Variants in SURF2 observed in about 807,000 individuals in gnomAD.
SURF2 encodes the protein surfeit locus protein 2.
SURF2 carries 32 observed loss-of-function variants against 26.2 expected under a neutral mutation model. The observed-to-expected ratio is 1.22, with a 90% CI of 0.92 to 1.64. The LOEUF (loss-of-function observed/expected upper bound fraction) is 1.64. Ranked by LOEUF, SURF2 falls within the 40% of genes most tolerant of loss-of-function variation. The pLI is 0.00. For synonymous variants in SURF2, 173 were observed against 139.1 expected, an observed-to-expected ratio of 1.24 and a Z score of -1.71; for missense variants, 415 against 341.6, an observed-to-expected ratio of 1.21 and a Z score of -1.69.
intron 3 of SURF2, 95 bp downstream of exon 3, chr9:133,357,909 G>A: frequency 1.6e-6 from 2 of 1,245,324 alleles, no homozygotes; most frequent in Non-Finnish European, 2.3e-6. Context: ...TCGTCCTTCA[G>A]CGATCCGTGT....
intron 1 of SURF2, 33 bp from the exon 2 acceptor site, chr9:133,356,881 C>CTCCTGACGTCCTGCCCGCCCACGCG: frequency 6.6e-7 from 1 of 1,525,474 alleles, no homozygotes; most frequent in South Asian, 1.2e-5. Flanking sequence ...AGCCCTGGCC[C>CTCCTGACGTCCTGCCCGCCCACGCG]TCCTGACGTC....
intron 2 of SURF2, 61 bp downstream of exon 2, chr9:133,357,129 C>G: frequency 6.9e-7 from 1 of 1,444,584 alleles, no homozygotes; most frequent in Non-Finnish European, 9.2e-7. Context: ...CTCCGCTGGA[C>G]TCCGCCAGTG....
At chr9:133,359,392 C>T (rs2130042015) in intron 3 of SURF2, among the ~76,000 whole-genome samples, 31 of 152,176 alleles carry the variant, frequency 2.0e-4, no homozygotes, top group African/African-American at 7.0e-4. Context: ...GGGCAAGCCC[C>T]AGCAGACCCT....
chr9:133,360,685 C>G (rs1836748056), intron 5 of SURF2, among the ~76,000 whole-genome samples: 1 of 152,370 alleles, frequency 6.6e-6, no homozygotes, highest in South Asian at 2.1e-4. Flanking sequence ...AGGACACCCT[C>G]CTACCTCAGA....
chr9:133,360,096 G>A lies in SURF2; in HGVS notation c.484G>A (p.Ala162Thr), dbSNP rs2130047708. The A allele has an allele frequency of 6.2e-7, 1 of 1,613,166 alleles. No homozygotes were observed. Residue 162 changes from alanine (A) to threonine (T), a missense_variant, in exon 4 of 6, where the codon GCA (alanine) becomes ACA (threonine). Transcript: ENST00000371964. ...CACATCCAGTGATGAGGGGGGAGCT[G>A]CAAGTGATGACAGCATGACAGACCT... ...EPTSSDEGGA[A>T]SDDSMTDLYP...
At position 133,356,938 on chromosome 9, in the gene SURF2, G is replaced by A. The variant is rs2130031354; in HGVS notation, c.103G>A (p.Glu35Lys). 3 of 1,564,960 alleles carry A rather than the reference G, an allele frequency of 1.9e-6. No homozygotes were observed. The highest frequency in any genetic ancestry group is 2.3e-5 in the South Asian group (2 of 85,230). The change falls in exon 2 of 6, where the codon GAG becomes AAG. Residue 35 changes from glutamate to lysine, a missense_variant. Glu to Lys is a moderately conservative substitution (Grantham distance 56). Transcript: ENST00000371964. ...RKVRCILTGH[E>K]LPCRLPELQV... is the part of the protein sequence containing the mutation. ...GGTGAGGTGCATCCTGACAGGTCAC[G>A]AGCTGCCCTGCCGCCTGCCGGAGCT...
chr9:133,359,986 C>G lies in SURF2; in HGVS notation c.374C>G (p.Pro125Arg), dbSNP rs2130045814. ...CAGAAGCAAGGGGTGGAGTACGTGC[C>G]TGCCTGCCTGGTGCACCGGAGGAGG... ...ECQKQGVEYV[P>R]ACLVHRRRRR... is the part of the protein sequence containing the mutation. The change falls in exon 4 of 6, where the codon CCT (proline) becomes CGT (arginine). Residue 125 changes from proline (P) to arginine (R), a missense_variant. By Grantham distance (103) the Pro-to-Arg change is moderately radical. Coordinates refer to ENST00000371964, the MANE Select transcript of SURF2 (RefSeq NM_017503.5). The G allele has an allele frequency of 4.5e-5, 73 of 1,613,034 alleles. No homozygotes were observed. In the South Asian group the frequency reaches 8.0e-4, roughly 18 times the overall value.
chr9:133,356,894 G>T lies in SURF2; in HGVS notation c.79-20G>T, dbSNP rs2130030947. On this transcript the variant is annotated intron_variant, in intron 1 of 5. Coordinates refer to ENST00000371964, the MANE Select transcript of SURF2 (RefSeq NM_017503.5). The stretch of plus-strand genomic sequence containing the variant: ...GGAGCCCTGGCCCTCCTGACGTCCT[G>T]CCCGCCCACGCGTCCGCAGGTGAGG... The T allele has an allele frequency of 2.0e-6, 3 of 1,536,434 alleles. No homozygotes were observed. The highest frequency in any genetic ancestry group is 2.7e-5 in the African/African-American group (2 of 72,784).
Position 133,360,236 on chromosome 9 carries a change from CTG to C in SURF2, c.518-27_518-26del, listed in dbSNP as rs1410418074. On this transcript the variant is annotated intron_variant, in intron 4 of 5. Transcript: ENST00000371964. ...TGGCAGCGAACTCAGCCTAAAATAA[CTG>C]TCAGCCAATCCCTGTGTTCCTCCCA... 1.4e-5 allele frequency: 23 copies of C among 1,608,770 alleles called. No homozygotes were observed. The African/African-American group carries it at 2.8e-4, about 20-fold the overall frequency.
chr9:133,358,013 C>T (rs1193876491), intron 3 of SURF2, among the ~76,000 whole-genome samples, 199 bp downstream of exon 3: 1 of 152,094 alleles, frequency 6.6e-6, no homozygotes, highest in African/African-American at 2.4e-5. Flanking sequence ...GAGCCAGAAG[C>T]AGGCTCGGGA....
rs2130047027 is a variant in SURF2 at position 133,360,052 on chromosome 9, G to A, written c.440G>A (p.Arg147Gln). 8.5e-5 allele frequency: 137 copies of A among 1,614,032 alleles called. No homozygotes were observed. Among genetic ancestry groups the A allele is most frequent in the African/African-American group, 7.7e-4 (58 of 75,052 alleles). ...DQMDGDGPRP[R>Q]EAFWEPTSSD... ...ATGGACGGTGACGGGCCTCGCCCGCGGGAAGCCTTCTGGGAGCCCACATCC... is the reference window on the plus strand; with the variant it reads ...ATGGACGGTGACGGGCCTCGCCCGCAGGAAGCCTTCTGGGAGCCCACATCC... Residue 147 changes from arginine (R) to glutamine (Q), a missense_variant, in exon 4 of 6, where the codon CGG becomes CAG. Coordinates refer to ENST00000371964, the MANE Select transcript of SURF2 (RefSeq NM_017503.5).
chr9:133,356,815 CG>C, intron 1 of SURF2, 98 bp from the exon 2 acceptor site: 1 of 1,387,806 alleles, frequency 7.2e-7, no homozygotes, highest in Admixed American at 2.6e-5. Context: ...GAGGGCGCGG[CG>C]GGATCAGGGG....
Position 133,360,140 on chromosome 9 carries a change from CA to C in SURF2, c.517+12del, listed in dbSNP as rs1836721958. The C allele has an allele frequency of 3.8e-6, 6 of 1,597,774 alleles. No homozygotes were observed. The highest frequency in any genetic ancestry group is 1.7e-6 in the Non-Finnish European group (2 of 1,170,264). ...CAGACCTGTACCCACGTAAGCAGAA[CA>C]GGCCCTGCTTCTCCCTGACCCTCTA... On this transcript the variant is annotated intron_variant, in intron 4 of 5. Coordinates refer to ENST00000371964, the MANE Select transcript of SURF2 (RefSeq NM_017503.5).
chr9:133,360,341 G>C lies in SURF2; in HGVS notation c.594G>C (p.Glu198Asp). 6.2e-7 allele frequency: 1 copy of C among 1,614,180 alleles called. No homozygotes were observed. The highest frequency in any genetic ancestry group is 8.5e-7 in the Non-Finnish European group (1 of 1,180,040). The change falls in exon 5 of 6, where the codon GAG becomes GAC. Residue 198 changes from glutamate to aspartate, a missense_variant. By Grantham distance (45) the Glu-to-Asp change is conservative. Coordinates refer to ENST00000371964, the MANE Select transcript of SURF2 (RefSeq NM_017503.5). ...CTGATGACTTTTTGACAGACAAAGA[G>C]GATGAGAAGGCAAAGCCCCCAAGAG... ...DGTDDFLTDK[E>D]DEKAKPPREK...
At position 133,361,127 on chromosome 9, in the gene SURF2, ACAG is replaced by A; in HGVS notation, c.761_763del (p.Gln254del). 1 of 1,614,214 alleles carries A rather than the reference ACAG, an allele frequency of 6.2e-7. No homozygotes were observed. The highest frequency in any genetic ancestry group is 8.5e-7 in the Non-Finnish European group (1 of 1,180,024). The stretch of plus-strand genomic sequence containing the variant: ...AACCCAAGAGCTTCAGCTCCTGTAA[ACAG>A]CCAGGTTAATAAAAGCACATGCCGT... On this transcript the variant is annotated inframe_deletion, in exon 6 of 6. Transcript: ENST00000371964.
At position 133,361,097 on chromosome 9, in the gene SURF2, C is replaced by A. The variant is rs1836768183; in HGVS notation, c.729C>A (p.His243Gln). ...TGAAAAAGAAGTTCAAGAGTCATCA[C>A]CGCAAACCCAAGAGCTTCAGCTCCT... ...GSLKKKFKSH[H>Q]RKPKSFSSCK... The change falls in exon 6 of 6, where the codon CAC (histidine) becomes CAA (glutamine). Residue 243 changes from histidine (H) to glutamine (Q), a missense_variant. Transcript: ENST00000371964. The A allele has an allele frequency of 1.9e-6, 3 of 1,614,064 alleles. No individual in the cohort carries two copies. In the Admixed American group the frequency reaches 5.0e-5, roughly 27 times the overall value.
chr9:133,359,797 A>T (rs1564354183), intron 3 of SURF2, among the ~76,000 whole-genome samples, 153 bp from the exon 4 acceptor site: 2 of 152,236 alleles, frequency 1.3e-5, no homozygotes, highest in African/African-American at 4.8e-5. Flanking sequence ...ACCTGGTAGG[A>T]ACAGAGCTGA....
Position 133,356,658 on chromosome 9 carries a change from G to A in SURF2, c.66G>A (p.Thr22=), listed in dbSNP as rs2130029317. ...AGCACCCGAGCCTGCGGCTCCAGAC[G>A]GACGCCCGCAAGGTTCGCAGCGCGG... ...LREHPSLRLQ[T]DARKVRCILT... is the part of the protein sequence containing the mutation. The change falls in exon 1 of 6, where the codon ACG becomes ACA. Residue 22 remains threonine (T), a synonymous_variant. Coordinates refer to ENST00000371964, the MANE Select transcript of SURF2 (RefSeq NM_017503.5). The A allele has an allele frequency of 1.3e-6, 2 of 1,521,698 alleles. No homozygotes were observed. The highest frequency in any genetic ancestry group is 1.2e-5 in the South Asian group (1 of 82,770). The allele number at this position is 1,521,698 out of a possible 1,614,324, so 94.3% of individuals were successfully genotyped here. A position where few individuals can be genotyped will look rare whatever the true frequency, so the allele number is the denominator to read the frequency against.
At chr9:133,356,840 G>A in intron 1 of SURF2, 74 bp from the exon 2 acceptor site, 1 of 1,464,518 alleles carries the variant, frequency 6.8e-7, no homozygotes, top group South Asian at 1.4e-5. Flanking sequence ...AGAGGGAAGG[G>A]GGCGCGGCAG....
Sources: allele counts gnomAD v4.1 joint callset (sites outside exome capture counted in the v4.1 genomes callset), GRCh38; gene constraint gnomAD v4.1.1; transcripts MANE v1.5; gene names NCBI Gene and HGNC (gene_info 2026-07-23, HGNC 2026-07-21).